Variants in SLC35F3 observed in about 807,000 individuals in gnomAD.
SLC35F3 encodes putative thiamine transporter SLC35F3.
In SLC35F3, 25 loss-of-function variants were observed where a neutral mutation model predicts 49.9. The observed-to-expected ratio is 0.50, with a 90% CI of 0.37 to 0.70. The LOEUF is 0.70. SLC35F3 is among the 30% of genes least tolerant of loss of function. The pLI is 0.00. For synonymous variants in SLC35F3, 275 were observed against 265.4 expected, an observed-to-expected ratio of 1.04 and a Z score of -0.35; for missense variants, 525 against 639.8, an observed-to-expected ratio of 0.82 and a Z score of 1.94.
At chr1:234,052,285 T>G (rs774989284) in intron 2 of SLC35F3, among the ~76,000 whole-genome samples, 1 of 152,226 alleles carries the variant, frequency 6.6e-6, no homozygotes, top group Non-Finnish European at 1.5e-5. Flanking sequence ...TTTTTGTTGG[T>G]ATGCTATTAA....
chr1:233,981,950 CAG>C (rs1297577631), intron 2 of SLC35F3, among the ~76,000 whole-genome samples: 5 of 152,316 alleles, frequency 3.3e-5, no homozygotes, highest in East Asian at 1.9e-4. Context: ...GTTGTTGAGA[CAG>C]AGTCTCCCTC....
chr1:234,119,718 C>T (rs1231255426), intron 2 of SLC35F3, among the ~76,000 whole-genome samples: 3 of 152,082 alleles, frequency 2.0e-5, no homozygotes, highest in African/African-American at 7.2e-5. Context: ...TTATCTGTGC[C>T]AGCTAGTATT....
chr1:234,278,588 G>A (rs1188485103), intron 3 of SLC35F3, among the ~76,000 whole-genome samples: 2 of 152,120 alleles, frequency 1.3e-5, no homozygotes, highest in African/African-American at 2.4e-5. Context: ...GACTTGATTG[G>A]CCTCTTAGTC....
intron 2 of SLC35F3, among the ~76,000 whole-genome samples, chr1:234,217,298 A>G (rs1336229299): frequency 6.6e-6 from 1 of 152,206 alleles, no homozygotes; most frequent in African/African-American, 2.4e-5. Flanking sequence ...GACTTCATTT[A>G]CTCAACAAAT....
At chr1:234,117,656 G>A (rs1462231657) in intron 2 of SLC35F3, among the ~76,000 whole-genome samples, 1 of 150,858 alleles carries the variant, frequency 6.6e-6, no homozygotes, top group African/African-American at 2.4e-5. Context: ...GGAGGCTGAG[G>A]CTGGTGGATC....
intron 2 of SLC35F3, among the ~76,000 whole-genome samples, chr1:233,945,579 T>C (rs1471626933): frequency 6.6e-6 from 1 of 152,228 alleles, no homozygotes; most frequent in Non-Finnish European, 1.5e-5. Context: ...CTCAGGGATG[T>C]TGATACAGTT....
intron 3 of SLC35F3, among the ~76,000 whole-genome samples, chr1:234,292,204 A>G (rs1379913983): frequency 6.6e-6 from 1 of 152,240 alleles, no homozygotes; most frequent in Non-Finnish European, 1.5e-5. Flanking sequence ...ATGCAAGGAA[A>G]GCAATGTGTG....
At chr1:234,318,440 C>T (rs1489245091) in intron 5 of SLC35F3, among the ~76,000 whole-genome samples, 1 of 152,102 alleles carries the variant, frequency 6.6e-6, no homozygotes, top group African/African-American at 2.4e-5. Context: ...TGAGAGGATG[C>T]GTAATCATGG....
At chr1:234,195,808 C>G (rs999791013) in intron 2 of SLC35F3, among the ~76,000 whole-genome samples, 9 of 152,064 alleles carry the variant, frequency 5.9e-5, no homozygotes, top group African/African-American at 2.2e-4. Context: ...GCGGTTTCCC[C>G]CATACTGTTT....
rs1036984066 is a variant in SLC35F3 at position 234,041,222 on chromosome 1, T to G, written c.283+135464T>G. On this transcript the variant is annotated intron_variant, in intron 2 of 7. Coordinates refer to ENST00000366618, the MANE Select transcript of SLC35F3 (RefSeq NM_173508.4). Reference sequence around the variant, plus strand: ...CTCAAATTCTCAATGGCTTAACACATTAAGTGTTTGTTTCTCACTCCTGTC... The same window carrying G: ...CTCAAATTCTCAATGGCTTAACACAGTAAGTGTTTGTTTCTCACTCCTGTC... Among the ~76,000 whole-genome samples the G allele has an allele frequency of 2.6e-5, 4 of 152,132 alleles. No individual in the cohort carries two copies. In the East Asian group the frequency reaches 7.7e-4, roughly 29 times the overall value.
chr1:234,163,525 G>A (rs1666261864), intron 2 of SLC35F3, among the ~76,000 whole-genome samples: 1 of 152,190 alleles, frequency 6.6e-6, no homozygotes. Flanking sequence ...AGTGATGGAG[G>A]GAGAAGGGCA....
chr1:234,291,389 C>A (rs12749896), intron 3 of SLC35F3, among the ~76,000 whole-genome samples: 49,918 of 152,064 alleles, frequency 0.33, 9,095 homozygotes, highest in Middle Eastern at 0.46. Flanking sequence ...TTGGCTAGAG[C>A]TTGGGGAGAG....
intron 3 of SLC35F3, among the ~76,000 whole-genome samples, chr1:234,302,708 T>A (rs755408882): frequency 1.1e-4 from 16 of 151,970 alleles, no homozygotes; most frequent in Non-Finnish European, 1.3e-4. Context: ...TGAACTTGAG[T>A]GGGTCTTTTC....
At chr1:234,143,549 C>T (rs1252359656) in intron 2 of SLC35F3, among the ~76,000 whole-genome samples, 1 of 152,102 alleles carries the variant, frequency 6.6e-6, no homozygotes, top group Admixed American at 6.6e-5. Context: ...TCGGCCATCC[C>T]TCGGACTGCT....
At chr1:234,146,810 G>T (rs750928563) in intron 2 of SLC35F3, among the ~76,000 whole-genome samples, 1 of 152,100 alleles carries the variant, frequency 6.6e-6, no homozygotes, top group Middle Eastern at 3.4e-3. Flanking sequence ...CACCGTGCCC[G>T]GCCTCATCTT....
intron 2 of SLC35F3, among the ~76,000 whole-genome samples, chr1:234,011,189 A>G (rs527499616): frequency 3.0e-4 from 46 of 152,326 alleles, no homozygotes; most frequent in Admixed American, 1.2e-3. Context: ...TTATTTATCA[A>G]ATTTTTTGTG....
intron 2 of SLC35F3, among the ~76,000 whole-genome samples, chr1:234,032,047 G>A (rs72756111): frequency 0.017 from 2,533 of 152,220 alleles, 27 homozygotes; most frequent in Non-Finnish European, 0.026. Flanking sequence ...AGTTGACCTC[G>A]TTGGTGTTTA....
At chr1:233,979,147 A>C (rs1663139890) in intron 2 of SLC35F3, among the ~76,000 whole-genome samples, 1 of 152,174 alleles carries the variant, frequency 6.6e-6, no homozygotes, top group South Asian at 2.1e-4. Context: ...AGTCCACAGA[A>C]CGTGGTCTAA....
At chr1:234,248,538 G>A (rs1667683759) in intron 3 of SLC35F3, among the ~76,000 whole-genome samples, 2 of 152,406 alleles carry the variant, frequency 1.3e-5, no homozygotes, top group Middle Eastern at 3.4e-3. Context: ...CTGGTGCATT[G>A]TTTGGTGGGT....
Sources: allele counts gnomAD v4.1 joint callset (sites outside exome capture counted in the v4.1 genomes callset), GRCh38; gene constraint gnomAD v4.1.1; transcripts MANE v1.5; gene names NCBI Gene and HGNC (gene_info 2026-07-23, HGNC 2026-07-21).